PRKN: variants seen among roughly 807,000 people sequenced by gnomAD.
The protein encoded by PRKN is parkin RBR E3 ubiquitin protein ligase.
PRKN carries 56 observed loss-of-function variants against 59.5 expected under a neutral mutation model. That is an observed-to-expected ratio of 0.94 (90% CI 0.76 to 1.18). The LOEUF is 1.18. Ranked by LOEUF, PRKN falls within the 50% of genes most tolerant of loss-of-function variation. PRKN has a pLI of 0.00. For synonymous variants in PRKN, 250 were observed against 222.1 expected, an observed-to-expected ratio of 1.13 and a Z score of -1.12; for missense variants, 657 against 596.4, an observed-to-expected ratio of 1.10 and a Z score of -1.06.
At position 161,442,201 on chromosome 6, in the gene PRKN, ATCT is replaced by A. The variant is rs1420711599; in HGVS notation, c.1084-55327_1084-55325del. On this transcript the variant is annotated intron_variant, in intron 9 of 11. Coordinates refer to ENST00000366898, the MANE Select transcript of PRKN (RefSeq NM_004562.3). The surrounding 1 kb of genome is among the most constrained non-coding windows in gnomAD (Gnocchi z 4.6). ...AAGTCTGTCAGAAAGATTTTTAATC[ATCT>A]TTAAGTAAACTTCAATTTCTCTGAA... is the stretch of plus-strand genomic sequence containing the variant. 6.6e-6 allele frequency among the ~76,000 whole-genome samples: 1 copy of A among 152,226 alleles called. No homozygotes were observed. The highest frequency in any genetic ancestry group is 2.4e-5 in the African/African-American group (1 of 41,464).
At chr6:161,738,109 T>C (rs1788039792) in intron 7 of PRKN, among the ~76,000 whole-genome samples, 1 of 152,220 alleles carries the variant, frequency 6.6e-6, no homozygotes, top group Non-Finnish European at 1.5e-5. Context: ...TAGATTTTTC[T>C]TAAAAATGCA....
intron 7 of PRKN, among the ~76,000 whole-genome samples, chr6:161,719,996 G>A (rs950960402): frequency 1.3e-5 from 2 of 152,112 alleles, no homozygotes; most frequent in African/African-American, 4.8e-5. Flanking sequence ...CTCCAGTTTT[G>A]CCTCCCCGTT....
At chr6:162,271,237 G>A (rs777094064) in intron 2 of PRKN, among the ~76,000 whole-genome samples, 6 of 151,918 alleles carry the variant, frequency 3.9e-5, no homozygotes, top group Non-Finnish European at 7.4e-5. Flanking sequence ...AGACAAAACG[G>A]CAATGATTTA....
intron 4 of PRKN, among the ~76,000 whole-genome samples, chr6:162,083,517 C>T (rs1355255643): frequency 2.6e-5 from 4 of 152,058 alleles, no homozygotes; most frequent in African/African-American, 4.8e-5. Context: ...AAGAATCTTG[C>T]ACAACATCTG....
At chr6:162,503,225 T>C (rs12525867) in intron 1 of PRKN, among the ~76,000 whole-genome samples, 43,885 of 148,014 alleles carry the variant, frequency 0.3, 7,201 homozygotes, top group Middle Eastern at 0.38. Flanking sequence ...TGCAATGGCA[T>C]GATCTCGGCT....
At chr6:162,568,724 C>T (rs1780189783) in intron 1 of PRKN, 11 of 764,844 alleles carry the variant, frequency 1.4e-5, no homozygotes, top group Middle Eastern at 3.0e-4. Flanking sequence ...ACATGGGCAA[C>T]ATGTTCAAGA....
At chr6:161,602,201 TCAAC>T (rs1479511229) in intron 7 of PRKN, among the ~76,000 whole-genome samples, 1 of 152,192 alleles carries the variant, frequency 6.6e-6, no homozygotes, top group Non-Finnish European at 1.5e-5. Flanking sequence ...ATCAATCTAA[TCAAC>T]CAACCATTCA....
chr6:162,391,180 C>T (rs1787166221), intron 2 of PRKN, among the ~76,000 whole-genome samples: 1 of 152,112 alleles, frequency 6.6e-6, no homozygotes, highest in Admixed American at 6.5e-5. Context: ...AATTTTCTTA[C>T]TACGCATGCT....
At chr6:162,102,847 T>A (rs1056699873) in intron 4 of PRKN, among the ~76,000 whole-genome samples, 2 of 146,818 alleles carry the variant, frequency 1.4e-5, no homozygotes, top group African/African-American at 2.7e-5. Context: ...ATCGAGACCA[T>A]CCTGGCTAAC....
At chr6:162,720,291 T>C (rs563084140) in intron 1 of PRKN, among the ~76,000 whole-genome samples, 7 of 152,274 alleles carry the variant, frequency 4.6e-5, no homozygotes, top group South Asian at 2.1e-4. Context: ...CTGCTAACTA[T>C]TGAACATTCT....
intron 6 of PRKN, among the ~76,000 whole-genome samples, chr6:161,938,251 G>A (rs1297375208): frequency 6.6e-6 from 1 of 152,148 alleles, no homozygotes; most frequent in East Asian, 1.9e-4. Flanking sequence ...TGGGAAGACA[G>A]GTAAAATCCT....
At chr6:161,616,774 G>A (rs1398243074) in intron 7 of PRKN, among the ~76,000 whole-genome samples, 1 of 152,192 alleles carries the variant, frequency 6.6e-6, no homozygotes, top group Non-Finnish European at 1.5e-5. Flanking sequence ...ATTCCATGGT[G>A]TATATGTGTC....
rs530015389 is a variant in PRKN at position 162,147,513 on chromosome 6, C to CA, written c.534+53617dup. On this transcript the variant is annotated intron_variant, in intron 4 of 11. Coordinates refer to ENST00000366898, the MANE Select transcript of PRKN (RefSeq NM_004562.3). ...GGAAAGGGATTAGCAATGAATGTGA[C>CA]AATGTGAATATCATCTTAAAGCAGA... Among the ~76,000 whole-genome samples the CA allele has an allele frequency of 2.4e-3, 370 of 152,170 alleles. 1 individual carries two copies. Among genetic ancestry groups the CA allele is most frequent in the African/African-American group, 8.6e-3 (355 of 41,518 alleles).
chr6:161,786,090 A>G (rs1364898323), intron 6 of PRKN, among the ~76,000 whole-genome samples, 182 bp from the exon 7 acceptor site: 1 of 152,252 alleles, frequency 6.6e-6, no homozygotes. Flanking sequence ...GAGGCACTCA[A>G]TGAACTACAT....
Position 161,497,655 on chromosome 6 carries a change from C to T in PRKN, c.1083+51199G>A, listed in dbSNP as rs1439105909. Among the ~76,000 whole-genome samples the T allele has an allele frequency of 6.6e-6, 1 of 152,068 alleles. No individual in the cohort carries two copies. Among genetic ancestry groups the T allele is most frequent in the Non-Finnish European group, 1.5e-5 (1 of 68,020 alleles). On this transcript the variant is annotated intron_variant, in intron 9 of 11. Coordinates refer to ENST00000366898, the MANE Select transcript of PRKN (RefSeq NM_004562.3). The surrounding 1 kb of genome is among the most constrained non-coding windows in gnomAD (Gnocchi z 4.6). ...CCACAAAGTATTTTCAGCTGCTCTT[C>T]TCGCTCCTTTCCCTTTCAATTCAGA...
intron 4 of PRKN, among the ~76,000 whole-genome samples, chr6:162,084,405 T>A (rs1779174374): frequency 6.6e-6 from 1 of 152,146 alleles, no homozygotes; most frequent in South Asian, 2.1e-4. Flanking sequence ...CAGAACAAGT[T>A]AAAGAATTCA....
At chr6:162,649,618 AC>A (rs1238263740) in intron 1 of PRKN, among the ~76,000 whole-genome samples, 1 of 151,894 alleles carries the variant, frequency 6.6e-6, no homozygotes, top group Non-Finnish European at 1.5e-5. Context: ...AAAGTATTAA[AC>A]TTTTACTCCA....
intron 7 of PRKN, among the ~76,000 whole-genome samples, chr6:161,708,843 C>T (rs972883018): frequency 7.9e-5 from 12 of 152,126 alleles, no homozygotes; most frequent in Admixed American, 2.6e-4. Flanking sequence ...CCCAATGCAA[C>T]GAGGGAAGCT....
chr6:162,241,206 A>G (rs1480547979), intron 3 of PRKN, among the ~76,000 whole-genome samples: 1 of 152,182 alleles, frequency 6.6e-6, no homozygotes, highest in Non-Finnish European at 1.5e-5. Context: ...TCTATCATGT[A>G]GGAAAATATA....
Sources: allele counts gnomAD v4.1 joint callset (sites outside exome capture counted in the v4.1 genomes callset), GRCh38; gene constraint gnomAD v4.1.1; non-coding constraint Gnocchi (gnomAD v3.1); transcripts MANE v1.5; gene names NCBI Gene and HGNC (gene_info 2026-07-23, HGNC 2026-07-21).